The following ZNF407 variants were observed in gnomAD, a reference collection of about 807,000 sequenced individuals.
ZNF407 encodes the protein zinc finger protein 407.
In ZNF407, 17 loss-of-function variants were observed where a neutral mutation model predicts 131.2. The observed-to-expected ratio is 0.13, with a 90% CI of 0.09 to 0.19. ZNF407 has a LOEUF of 0.19. ZNF407 is among the 10% of genes least tolerant of loss of function. ZNF407 has a pLI of 1.00. For synonymous variants in ZNF407, 1,156 were observed against 1,062.0 expected (o/e 1.09, Z -1.72); for missense variants, 2,681 against 2,830.6 (o/e 0.95, Z 1.20).
At chr18:74,860,125 A>T (rs913080050) in intron 4 of ZNF407, among the ~76,000 whole-genome samples, 2 of 152,142 alleles carry the variant, frequency 1.3e-5, no homozygotes, top group African/African-American at 2.4e-5. Context: ...GGGCAACATT[A>T]CAAGACCCTG....
In ZNF407 at chr18:74,635,029, A is replaced by G. The variant is rs760492866; in HGVS notation, c.4010A>G (p.Tyr1337Cys). The G allele has an allele frequency of 4.2e-5, 67 of 1,613,884 alleles. No individual in the cohort carries two copies. The Admixed American group carries it at 9.7e-4, about 23-fold the overall frequency. ...SDSTVESSDVYETIISIDDKG... is the reference protein window; with the variant it reads ...SDSTVESSDVCETIISIDDKG... Reference sequence around the variant, plus strand: ...AGCACAGTTGAAAGTAGTGATGTCTATGAAACTATAATTAGTATTGATGAT... The same window carrying G: ...AGCACAGTTGAAAGTAGTGATGTCTGTGAAACTATAATTAGTATTGATGAT... Residue 1337 changes from tyrosine (Y) to cysteine (C), a missense_variant, in exon 2 of 9, where the codon TAT becomes TGT. Coordinates refer to ENST00000299687, the MANE Select transcript of ZNF407 (RefSeq NM_017757.3). This position sits in a 1 kb window ranked among gnomAD's most constrained non-coding sequence, Gnocchi z 4.7.
At position 75,063,224 on chromosome 18, in the gene ZNF407, A is replaced by G. The variant is rs1433996811; in HGVS notation, c.5503A>G (p.Thr1835Ala). The G allele has an allele frequency of 6.2e-7, 1 of 1,613,294 alleles. No individual in the cohort carries two copies. Among genetic ancestry groups the G allele is most frequent in the Non-Finnish European group, 8.5e-7 (1 of 1,179,730 alleles). The change falls in exon 9 of 9, where the codon ACC becomes GCC. Residue 1835 changes from threonine to alanine, a missense_variant. Transcript: ENST00000299687. This position sits in a 1 kb window ranked among gnomAD's most constrained non-coding sequence, Gnocchi z 6.6. ...ATFVETDSPFTAAALAEEPLV... is the reference protein window; with the variant it reads ...ATFVETDSPFAAAALAEEPLV... ...CTTCGTGGAGACAGACAGCCCCTTC[A>G]CCGCGGCGGCCTTGGCAGAAGAGCC...
chr18:74,839,498 G>A (rs1284166532), intron 4 of ZNF407, among the ~76,000 whole-genome samples: 3 of 152,134 alleles, frequency 2.0e-5, no homozygotes, highest in East Asian at 1.9e-4. Context: ...TCATCTGATT[G>A]GAGGAGGCTG....
chr18:74,836,897 C>T (rs1051639381), intron 4 of ZNF407, among the ~76,000 whole-genome samples: 2 of 152,132 alleles, frequency 1.3e-5, no homozygotes, highest in African/African-American at 4.8e-5. Flanking sequence ...GATCACCCAC[C>T]GACCCCACTT....
intron 8 of ZNF407, among the ~76,000 whole-genome samples, chr18:75,045,895 C>A (rs1973429989): frequency 6.6e-6 from 1 of 152,150 alleles, no homozygotes. Context: ...GTCCCAGAAT[C>A]TATAAACCAC....
At chr18:74,806,194 A>G (rs1002229227) in intron 4 of ZNF407, among the ~76,000 whole-genome samples, 2 of 152,244 alleles carry the variant, frequency 1.3e-5, no homozygotes, top group African/African-American at 4.8e-5. Flanking sequence ...CTGTGACTGC[A>G]GGCCCACACC....
At chr18:75,001,216 GT>G (rs1972841933) in intron 8 of ZNF407, among the ~76,000 whole-genome samples, 1 of 152,154 alleles carries the variant, frequency 6.6e-6, no homozygotes, top group Admixed American at 6.5e-5. Context: ...AGTGCCGACT[GT>G]AACAATAGGA....
intron 3 of ZNF407, among the ~76,000 whole-genome samples, chr18:74,675,593 C>G (rs1007147303): frequency 2.0e-5 from 3 of 152,116 alleles, no homozygotes; most frequent in African/African-American, 7.2e-5. Flanking sequence ...GGAGAGAAAG[C>G]TTTCTGTCTT....
intron 3 of ZNF407, among the ~76,000 whole-genome samples, chr18:74,718,616 C>A (rs1284393718): frequency 6.6e-6 from 1 of 152,014 alleles, no homozygotes; most frequent in East Asian, 1.9e-4. Context: ...CTTGGCTCAG[C>A]CTCCCAAATA....
chr18:74,946,087 A>G lies in ZNF407; in HGVS notation c.5428+25395A>G, dbSNP rs143397637. ...TCAAGGTGGTTTGATGAGATTATGA[A>G]TTAATTTATCATATGTGTAAGCTGT... On this transcript the variant is annotated intron_variant, in intron 8 of 8. Transcript: ENST00000299687. 4.1e-3 allele frequency among the ~76,000 whole-genome samples: 629 copies of G among 152,354 alleles called. 7 individuals carry two copies. Among genetic ancestry groups the G allele is most frequent in the African/African-American group, 0.014 (590 of 41,586 alleles).
chr18:74,940,450 G>C (rs992275511), intron 8 of ZNF407, among the ~76,000 whole-genome samples: 16 of 152,096 alleles, frequency 1.1e-4, no homozygotes, highest in African/African-American at 3.9e-4. Flanking sequence ...AGGAAGCTGG[G>C]CCCAGGAACC....
chr18:74,945,372 G>T (rs1972143641), intron 8 of ZNF407, among the ~76,000 whole-genome samples: 1 of 152,118 alleles, frequency 6.6e-6, no homozygotes, highest in Non-Finnish European at 1.5e-5. Flanking sequence ...TTCTGTTGAT[G>T]TTTCTTCCAG....
chr18:74,653,566 A>G (rs1040000318), intron 3 of ZNF407, among the ~76,000 whole-genome samples: 1 of 151,848 alleles, frequency 6.6e-6, no homozygotes, highest in Admixed American at 6.6e-5. Context: ...GTATAGGGAC[A>G]ATGGGTTTTT....
At chr18:74,717,370 G>C (rs1967919743) in intron 3 of ZNF407, among the ~76,000 whole-genome samples, 2 of 152,198 alleles carry the variant, frequency 1.3e-5, no homozygotes, top group South Asian at 4.2e-4. Flanking sequence ...TACTGTAATA[G>C]CTTTACATCC....
chr18:74,971,782 T>C (rs185651586), intron 8 of ZNF407, among the ~76,000 whole-genome samples: 4 of 152,318 alleles, frequency 2.6e-5, no homozygotes, highest in Admixed American at 2.6e-4. Context: ...ACATTTTCAG[T>C]ATCTTTTCAG....
intron 1 of ZNF407, among the ~76,000 whole-genome samples, chr18:74,604,170 A>G (rs1396034030): frequency 2.0e-5 from 3 of 152,204 alleles, no homozygotes; most frequent in Admixed American, 6.5e-5. Flanking sequence ...TCACCTCCTC[A>G]CAAAGTACAA....
At chr18:74,754,734 T>G (rs1968887855) in intron 3 of ZNF407, among the ~76,000 whole-genome samples, 1 of 152,202 alleles carries the variant, frequency 6.6e-6, no homozygotes. Context: ...TAATTTCTGT[T>G]CCTTTACATT....
At chr18:74,776,817 T>G (rs1450200970) in intron 3 of ZNF407, among the ~76,000 whole-genome samples, 2 of 152,202 alleles carry the variant, frequency 1.3e-5, no homozygotes, top group East Asian at 3.8e-4. Flanking sequence ...TGCTGTATTC[T>G]TACAATAAAA....
chr18:74,689,066 G>A (rs958367720), intron 3 of ZNF407, among the ~76,000 whole-genome samples: 1 of 152,096 alleles, frequency 6.6e-6, no homozygotes, highest in African/African-American at 2.4e-5. Flanking sequence ...GACCTCAGGT[G>A]ATTTGCCCAC....
Sources: allele counts gnomAD v4.1 joint callset (sites outside exome capture counted in the v4.1 genomes callset), GRCh38; gene constraint gnomAD v4.1.1; non-coding constraint Gnocchi (gnomAD v3.1); transcripts MANE v1.5; gene names NCBI Gene and HGNC (gene_info 2026-07-23, HGNC 2026-07-21).